Variants in PXT1 observed in about 807,000 individuals in gnomAD.
The protein encoded by PXT1 is peroxisomal testis enriched protein 1.
Under a neutral mutation model 11.0 loss-of-function variants are expected in PXT1, and 11 were observed. That is an observed-to-expected ratio of 1.00 (90% CI 0.63 to 1.66). The LOEUF (loss-of-function observed/expected upper bound fraction) is 1.66, where lower values mean the gene tolerates loss of function less well. Among genes scored for constraint, PXT1 ranks in the 40% most tolerant of loss-of-function variants. The pLI, the probability that PXT1 is intolerant of heterozygous loss-of-function variation, is 0.00. For missense variants in PXT1, 141 were observed against 155.5 expected, an observed-to-expected ratio of 0.91 and a Z score of 0.49; for synonymous variants, 43 against 51.4, an observed-to-expected ratio of 0.84 and a Z score of 0.70.
chr6:36,415,879 GAGATA>G (rs989053998), intron 3 of PXT1, among the ~76,000 whole-genome samples: 2 of 152,170 alleles, frequency 1.3e-5, no homozygotes, highest in Non-Finnish European at 2.9e-5. Flanking sequence ...GACAGGACAG[GAGATA>G]AGATATGATG....
intron 4 of PXT1, among the ~76,000 whole-genome samples, chr6:36,399,992 C>T (rs1774191839): frequency 6.6e-6 from 1 of 152,190 alleles, no homozygotes; most frequent in South Asian, 2.1e-4. Context: ...CCAGGCCTTA[C>T]CTTGTGCCAA....
intron 2 of PXT1, among the ~76,000 whole-genome samples, chr6:36,430,137 G>A (rs1774671962): frequency 6.6e-6 from 1 of 152,110 alleles, no homozygotes; most frequent in South Asian, 2.1e-4. Context: ...AACCCGGGAA[G>A]CAGAGGTTGC....
chr6:36,425,579 G>T (rs1309214747), intron 3 of PXT1, among the ~76,000 whole-genome samples: 1 of 151,914 alleles, frequency 6.6e-6, no homozygotes, highest in Non-Finnish European at 1.5e-5. Context: ...GAGGTCAGGG[G>T]TTCGAGACCA....
intron 4 of PXT1, among the ~76,000 whole-genome samples, chr6:36,395,269 T>C (rs1019976826): frequency 6.6e-6 from 1 of 152,198 alleles, no homozygotes; most frequent in Non-Finnish European, 1.5e-5. Context: ...AGCTGCTTGA[T>C]AGGCAGTTCC....
At chr6:36,425,800 C>CAAACAAACAAACAAAAAAA (rs1554154117) in intron 3 of PXT1, 114 bp downstream of exon 3, 3 of 216,722 alleles carry the variant, frequency 1.4e-5, no homozygotes, top group African/African-American at 1.0e-4. Context: ...AAAACAAAAA[C>CAAACAAACAAACAAAAAAA]AAAAAATATA....
intron 4 of PXT1, among the ~76,000 whole-genome samples, chr6:36,396,288 A>T (rs1161305552): frequency 6.6e-6 from 1 of 152,188 alleles, no homozygotes; most frequent in African/African-American, 2.4e-5. Flanking sequence ...TGGAGCCAGT[A>T]GGAGCCCAGC....
intron 2 of PXT1, among the ~76,000 whole-genome samples, chr6:36,428,982 G>A (rs1401048319): frequency 6.6e-6 from 1 of 151,780 alleles, no homozygotes; most frequent in Non-Finnish European, 1.5e-5. Context: ...ATATATGTCA[G>A]GACCAGAAGT....
intron 4 of PXT1, among the ~76,000 whole-genome samples, chr6:36,392,809 G>A (rs1460515738): frequency 2.6e-5 from 4 of 152,026 alleles, no homozygotes; most frequent in Non-Finnish European, 4.4e-5. Context: ...ATGCTCCCCC[G>A]CCTGCCCCCT....
intron 2 of PXT1, among the ~76,000 whole-genome samples, chr6:36,432,703 A>G (rs1774709890): frequency 6.6e-6 from 1 of 152,236 alleles, no homozygotes; most frequent in East Asian, 1.9e-4. Context: ...AGAAGTAGTC[A>G]GGTCTCCCAG....
intron 3 of PXT1, among the ~76,000 whole-genome samples, chr6:36,411,917 C>T (rs1337964065): frequency 1.3e-5 from 2 of 152,184 alleles, no homozygotes; most frequent in East Asian, 3.8e-4. Context: ...CACTGCTCTC[C>T]AGCCTGGGTA....
chr6:36,442,466 C>G (rs895028854), intron 1 of PXT1, 69 bp downstream of exon 1: 1 of 152,148 alleles, frequency 6.6e-6, no homozygotes. Context: ...TTACTCATAA[C>G]ACAGTTTTCC....
At chr6:36,425,805 A>ACAAACAAACAAACAAAAAAT (rs763685304) in intron 3 of PXT1, 109 bp downstream of exon 3, 12 of 335,612 alleles carry the variant, frequency 3.6e-5, no homozygotes, top group African/African-American at 2.1e-4. Context: ...AAAAACAAAA[A>ACAAACAAACAAACAAAAAAT]ATATATATAT....
rs181560590 is a variant in PXT1 at position 36,396,952 on chromosome 6, A to G, written c.300+3502T>C. On this transcript the variant is annotated intron_variant, in intron 4 of 4. Transcript: ENST00000454782. Reference sequence around the variant, plus strand: ...GCCGCCTCTCCACTGACAGCTGCAGACATTGGGACGACTAGTTGCAAAGAG... The same window carrying G: ...GCCGCCTCTCCACTGACAGCTGCAGGCATTGGGACGACTAGTTGCAAAGAG... Among the ~76,000 whole-genome samples the G allele has an allele frequency of 5.9e-5, 9 of 151,762 alleles. No homozygotes were observed. The East Asian group carries it at 1.8e-3, about 30-fold the overall frequency.
At chr6:36,400,121 C>T (rs1582248216) in intron 4 of PXT1, among the ~76,000 whole-genome samples, 1 of 152,178 alleles carries the variant, frequency 6.6e-6, no homozygotes, top group East Asian at 1.9e-4. Flanking sequence ...TCAATGTGCA[C>T]ACAAATCCCC....
At chr6:36,395,741 T>C (rs938133440) in intron 4 of PXT1, among the ~76,000 whole-genome samples, 1 of 152,144 alleles carries the variant, frequency 6.6e-6, no homozygotes, top group African/African-American at 2.4e-5. Flanking sequence ...GGCTCACGCC[T>C]GTAATCCTAG....
chr6:36,393,561 C>G (rs568902109), intron 4 of PXT1: 1 of 152,222 alleles, frequency 6.6e-6, no homozygotes, highest in African/African-American at 2.4e-5. Flanking sequence ...GAAACACCCC[C>G]TCTACTAAAA....
intron 3 of PXT1, among the ~76,000 whole-genome samples, chr6:36,418,681 G>GA (rs1049393271): frequency 5.3e-5 from 8 of 152,146 alleles, no homozygotes; most frequent in African/African-American, 1.7e-4. Context: ...GATAGAGATT[G>GA]AAAAAAAATC....
At chr6:36,393,924 C>T (rs983124830) in intron 4 of PXT1, among the ~76,000 whole-genome samples, 10 of 152,144 alleles carry the variant, frequency 6.6e-5, no homozygotes, top group Admixed American at 6.5e-5. Context: ...GTAATATTGT[C>T]TCTTTGATCA....
At chr6:36,404,867 G>C (rs1774266543) in intron 3 of PXT1, among the ~76,000 whole-genome samples, 1 of 152,122 alleles carries the variant, frequency 6.6e-6, no homozygotes, top group African/African-American at 2.4e-5. Context: ...CCGAGGCAGA[G>C]AACTGCTTGA....
Sources: gnomAD v4.1 joint callset for allele counts (sites outside exome capture counted in the v4.1 genomes callset) on GRCh38, gnomAD v4.1.1 for gene constraint, MANE v1.5 for transcripts, NCBI Gene and HGNC (gene_info 2026-07-23, HGNC 2026-07-21) for gene names.